RBPMS: variants seen among roughly 807,000 people sequenced by gnomAD.
RBPMS encodes the protein RNA-binding protein with multiple splicing.
A neutral mutation model predicts 26.8 loss-of-function variants in RBPMS; 7 were observed. That is an observed-to-expected ratio of 0.26 (90% CI 0.15 to 0.49). The LOEUF (loss-of-function observed/expected upper bound fraction) is 0.49, where lower values mean the gene tolerates loss of function less well. Among genes scored for constraint, RBPMS ranks in the 20% least tolerant of loss-of-function variants. The pLI, the probability that RBPMS is intolerant of heterozygous loss-of-function variation, is 0.98. For missense variants in RBPMS, 186 were observed against 250.0 expected, an observed-to-expected ratio of 0.74 and a Z score of 1.73; for synonymous variants, 96 against 93.3, an observed-to-expected ratio of 1.03 and a Z score of -0.17.
At chr8:30,474,449 A>G (rs1817473484) in intron 1 of RBPMS, among the ~76,000 whole-genome samples, 2 of 152,194 alleles carry the variant, frequency 1.3e-5, no homozygotes, top group Non-Finnish European at 2.9e-5. Flanking sequence ...AGAAGTGTGC[A>G]ATGGCTAGTT....
intron 1 of RBPMS, 53 bp downstream of exon 1, chr8:30,385,211 G>C: frequency 2.4e-5 from 31 of 1,312,124 alleles, no homozygotes; most frequent in Non-Finnish European, 3.0e-5. Flanking sequence ...CAGTGCGGGC[G>C]GCCGGCGGGG....
chr8:30,449,661 G>A (rs1202482467), intron 1 of RBPMS, among the ~76,000 whole-genome samples: 1 of 152,064 alleles, frequency 6.6e-6, no homozygotes, highest in African/African-American at 2.4e-5. Flanking sequence ...ATGAACCACC[G>A]TGCCCGGCCC....
intron 1 of RBPMS, among the ~76,000 whole-genome samples, chr8:30,393,881 G>C (rs1185376855): frequency 6.9e-6 from 1 of 144,090 alleles, no homozygotes; most frequent in Non-Finnish European, 1.5e-5. Context: ...CCAGCTAAGT[G>C]TCAGCTCAAA....
At chr8:30,446,840 TGTGCGCGCGCGCGC>T (rs1354913852) in intron 1 of RBPMS, 8 of 72,806 alleles carry the variant, frequency 1.1e-4, no homozygotes, top group African/African-American at 4.6e-4. Context: ...TGTGTGTGTG[TGTGCGCGCGCGCGC>T]GCGCGGTGGA....
chr8:30,496,299 T>A (rs1028247280), intron 4 of RBPMS, among the ~76,000 whole-genome samples: 1 of 151,816 alleles, frequency 6.6e-6, no homozygotes, highest in African/African-American at 2.4e-5. Context: ...CTCCCAAGTA[T>A]CTGGGACTAC....
At chr8:30,387,887 A>G (rs1807298921) in intron 1 of RBPMS, among the ~76,000 whole-genome samples, 1 of 152,208 alleles carries the variant, frequency 6.6e-6, no homozygotes, top group Non-Finnish European at 1.5e-5. Flanking sequence ...CTAATTGTGT[A>G]GAATGAACAG....
intron 4 of RBPMS, among the ~76,000 whole-genome samples, chr8:30,495,668 AAC>A (rs1819867300): frequency 6.6e-6 from 1 of 152,238 alleles, no homozygotes; most frequent in Admixed American, 6.5e-5. Flanking sequence ...ATTGGGCAGT[AAC>A]CCAGCAGCAC....
At chr8:30,466,039 C>T (rs1387444286) in intron 1 of RBPMS, among the ~76,000 whole-genome samples, 1 of 152,082 alleles carries the variant, frequency 6.6e-6, no homozygotes, top group Non-Finnish European at 1.5e-5. Context: ...TCCCATTATC[C>T]TACCAAAAAC....
intron 4 of RBPMS, among the ~76,000 whole-genome samples, chr8:30,496,170 T>C (rs1276319607): frequency 2.0e-4 from 5 of 24,680 alleles, no homozygotes. Context: ...CCCTTGCGCA[T>C]TTCTTTTTTT....
intron 1 of RBPMS, among the ~76,000 whole-genome samples, chr8:30,437,263 T>C (rs1264370365): frequency 6.6e-6 from 1 of 151,954 alleles, no homozygotes; most frequent in Non-Finnish European, 1.5e-5. Context: ...GGATTATAAG[T>C]CAAAATGTTA....
chr8:30,413,909 A>G (rs1222742100), intron 1 of RBPMS, among the ~76,000 whole-genome samples: 1 of 151,928 alleles, frequency 6.6e-6, no homozygotes, highest in Non-Finnish European at 1.5e-5. Context: ...CATCCAGCTA[A>G]TTTTGTATTT....
intron 1 of RBPMS, among the ~76,000 whole-genome samples, chr8:30,440,314 C>G (rs1442125761): frequency 6.6e-6 from 1 of 152,034 alleles, no homozygotes; most frequent in Admixed American, 6.6e-5. Flanking sequence ...AAAACAGAAA[C>G]TCTATACCCA....
chr8:30,555,532 T>C lies in RBPMS; in HGVS notation c.529-3355T>C. Among the ~76,000 whole-genome samples, 2 of 152,128 alleles carry C rather than the reference T, an allele frequency of 1.3e-5. 1 individual carries two copies. Among genetic ancestry groups the C allele is most frequent in the East Asian group, 3.8e-4 (2 of 5,206 alleles). Reference sequence around the variant, plus strand: ...GCCCCTGGAATTGTGTGCAAGACTGTGAGTGTGCACATTTGAGAGAGAGAA... The same window carrying C: ...GCCCCTGGAATTGTGTGCAAGACTGCGAGTGTGCACATTTGAGAGAGAGAA... On this transcript the variant is annotated intron_variant, in intron 6 of 8. Coordinates refer to ENST00000397323, the MANE Select transcript of RBPMS (RefSeq NM_001008710.3).
At chr8:30,481,504 G>T (rs760670566) in intron 4 of RBPMS, among the ~76,000 whole-genome samples, 2 of 151,962 alleles carry the variant, frequency 1.3e-5, no homozygotes, top group Non-Finnish European at 2.9e-5. Context: ...CTGGTCTTGA[G>T]GTCTGGTTTT....
intron 1 of RBPMS, among the ~76,000 whole-genome samples, chr8:30,410,245 T>C (rs373210924): frequency 6.6e-6 from 1 of 151,616 alleles, no homozygotes; most frequent in Non-Finnish European, 1.5e-5. Flanking sequence ...CTCGCTCTGT[T>C]GCCCAGGCTG....
At chr8:30,426,583 T>C (rs1417912669) in intron 1 of RBPMS, among the ~76,000 whole-genome samples, 1 of 152,156 alleles carries the variant, frequency 6.6e-6, no homozygotes, top group Non-Finnish European at 1.5e-5. Context: ...CTTAAAGGCA[T>C]TGAACAGGCT....
At chr8:30,496,780 C>T (rs1820008575) in intron 4 of RBPMS, among the ~76,000 whole-genome samples, 1 of 152,170 alleles carries the variant, frequency 6.6e-6, no homozygotes, top group Admixed American at 6.5e-5. Context: ...AACTCACCTG[C>T]ACACTGTTGT....
At chr8:30,439,385 A>C (rs1273994972) in intron 1 of RBPMS, among the ~76,000 whole-genome samples, 1 of 152,224 alleles carries the variant, frequency 6.6e-6, no homozygotes, top group African/African-American at 2.4e-5. Flanking sequence ...AAGAAGTACA[A>C]AAGTAATTTT....
intron 1 of RBPMS, among the ~76,000 whole-genome samples, chr8:30,473,003 A>G (rs1366730135): frequency 1.3e-5 from 2 of 152,190 alleles, no homozygotes; most frequent in African/African-American, 4.8e-5. Context: ...GTATATATTC[A>G]TGGTTAACAA....
Sources: allele counts gnomAD v4.1 joint callset (sites outside exome capture counted in the v4.1 genomes callset), GRCh38; gene constraint gnomAD v4.1.1; transcripts MANE v1.5; gene names NCBI Gene and HGNC (gene_info 2026-07-23, HGNC 2026-07-21).